MPV17: variants seen among roughly 807,000 people sequenced by gnomAD.
MPV17 encodes mitochondrial inner membrane protein MPV17.
Under a neutral mutation model 28.6 loss-of-function variants are expected in MPV17, and 31 were observed. The ratio of observed to expected loss-of-function variants is 1.08; its 90% CI spans 0.81 to 1.46. MPV17 has a LOEUF of 1.46. Among genes scored for constraint, MPV17 ranks in the 40% most tolerant of loss-of-function variants. MPV17 has a pLI of 0.00. For missense variants in MPV17, 198 were observed against 216.2 expected (o/e 0.92, Z 0.53); for synonymous variants, 87 against 85.3 (o/e 1.02, Z -0.11).
intron 2 of MPV17, among the ~76,000 whole-genome samples, chr2:27,320,839 A>T (rs1387152499): frequency 1.3e-5 from 2 of 152,202 alleles, no homozygotes; most frequent in Non-Finnish European, 2.9e-5. Context: ...GGCTCAGTGA[A>T]CTAAAGCCAC....
At chr2:27,316,738 T>C in intron 2 of MPV17, 1 of 245,718 alleles carries the variant, frequency 4.1e-6, no homozygotes, top group Non-Finnish European at 7.8e-6. Context: ...GACTTGTTTC[T>C]AGGGAGTTGG....
intron 7 of MPV17, 100 bp downstream of exon 7, chr2:27,311,799 G>A (rs1679449019): frequency 1.3e-6 from 2 of 1,571,012 alleles, no homozygotes; most frequent in East Asian, 2.3e-5. Context: ...TGTTCCGTTT[G>A]GGGGTCTAAG....
At chr2:27,312,317 C>A in intron 5 of MPV17, 71 bp from the exon 6 acceptor site, 1 of 1,538,822 alleles carries the variant, frequency 6.5e-7, no homozygotes, top group South Asian at 1.1e-5. Context: ...GTATGAATGT[C>A]ACACACAGAC....
At chr2:27,316,891 AGGTGCCAGTT>A in intron 2 of MPV17, 1 of 542,424 alleles carries the variant, frequency 1.8e-6, no homozygotes, top group Admixed American at 3.4e-5. Flanking sequence ...GCCCCTGGGT[AGGTGCCAGTT>A]CTCATGCCGT....
At chr2:27,314,279 C>A (rs369508433) in intron 2 of MPV17, among the ~76,000 whole-genome samples, 1 of 152,030 alleles carries the variant, frequency 6.6e-6, no homozygotes. Context: ...GCAGTGATCA[C>A]GCCATTACAC....
chr2:27,314,338 GTAA>G (rs751974083), intron 2 of MPV17, among the ~76,000 whole-genome samples: 6 of 152,124 alleles, frequency 3.9e-5, no homozygotes, highest in Admixed American at 1.3e-4. Context: ...GAAAAAAAAA[GTAA>G]TAAAACAAGA....
At position 27,313,430 on chromosome 2, in the gene MPV17, C is replaced by T. The variant is rs558990261; in HGVS notation, c.71-321G>A. On this transcript the variant is annotated intron_variant, in intron 2 of 7. Transcript: ENST00000380044. Reference sequence around the variant, plus strand: ...TTTAAGGCCACAGGGCTGAGAACCACAGACTGTCAGAATCAAAAGGGGCTT... The same window carrying T: ...TTTAAGGCCACAGGGCTGAGAACCATAGACTGTCAGAATCAAAAGGGGCTT... The T allele has an allele frequency of 3.8e-5, 22 of 584,580 alleles. 1 individual carries two copies. In the East Asian group the frequency reaches 6.0e-4, roughly 16 times the overall value. 36.2% of individuals were successfully genotyped at this position (584,580 alleles called of 1,614,324 possible).
intron 7 of MPV17, 83 bp from the exon 8 acceptor site, chr2:27,310,064 G>C (rs1679371863): frequency 1.9e-6 from 2 of 1,058,062 alleles, no homozygotes; most frequent in Non-Finnish European, 2.9e-6. Flanking sequence ...AAATGGCAAA[G>C]GAGGGATCAT....
chr2:27,319,936 A>G (rs1486512626), intron 2 of MPV17, among the ~76,000 whole-genome samples: 5 of 151,166 alleles, frequency 3.3e-5, no homozygotes, highest in Admixed American at 2.6e-4. Context: ...AAAAAAAAAA[A>G]AAAAAGAAAA....
intron 2 of MPV17, among the ~76,000 whole-genome samples, chr2:27,321,239 A>T (rs1679848914): frequency 6.6e-6 from 1 of 152,234 alleles, no homozygotes; most frequent in African/African-American, 2.4e-5. Flanking sequence ...GTCAGTTCCC[A>T]TCATAGCCAC....
At chr2:27,321,376 C>A (rs1436831854) in intron 2 of MPV17, among the ~76,000 whole-genome samples, 1 of 152,212 alleles carries the variant, frequency 6.6e-6, no homozygotes, top group East Asian at 1.9e-4. Context: ...GCCAAAGAAT[C>A]CATCTCCTGG....
intron 2 of MPV17, among the ~76,000 whole-genome samples, chr2:27,318,411 G>A (rs145545625): frequency 0.012 from 1,881 of 151,806 alleles, 48 homozygotes; most frequent in African/African-American, 0.043. Context: ...AGGCTGGAGT[G>A]CAGTGGCAGG....
At chr2:27,322,152 TC>T (rs1679884242) in intron 2 of MPV17, 1 of 498,482 alleles carries the variant, frequency 2.0e-6, no homozygotes, top group Admixed American at 3.4e-5. Context: ...TAAAATGTTT[TC>T]CAAGTTGAGG....
chr2:27,318,059 T>C (rs1679720270), intron 2 of MPV17, among the ~76,000 whole-genome samples: 1 of 151,660 alleles, frequency 6.6e-6, no homozygotes, highest in Non-Finnish European at 1.5e-5. Flanking sequence ...ATGAGGTCAA[T>C]CTTTCTTTTC....
At chr2:27,313,376 G>A (rs1679534195) in intron 2 of MPV17, 4 of 668,800 alleles carry the variant, frequency 6.0e-6, no homozygotes, top group Non-Finnish European at 7.5e-6. Context: ...GGAAGTCAGA[G>A]TCAGAAAGTA....
In MPV17 at chr2:27,322,439, G is replaced by A. The variant is rs752186976; in HGVS notation, c.70+9C>T. 2.5e-6 allele frequency: 4 copies of A among 1,613,386 alleles called. No homozygotes were observed. The highest frequency in any genetic ancestry group is 3.4e-6 in the Non-Finnish European group (4 of 1,179,390). Reference sequence around the variant, plus strand: ...CCTGGTCCCACTCAAGTCCTAGAGGGACACTCACCAGCTGTCAGGACCTGT... The same window carrying A: ...CCTGGTCCCACTCAAGTCCTAGAGGAACACTCACCAGCTGTCAGGACCTGT... On this transcript the variant is annotated intron_variant, in intron 2 of 7. Coordinates refer to ENST00000380044, the MANE Select transcript of MPV17 (RefSeq NM_002437.5).
chr2:27,313,306 T>A, intron 2 of MPV17, 197 bp from the exon 3 acceptor site: 2 of 1,294,314 alleles, frequency 1.5e-6, no homozygotes, highest in Non-Finnish European at 2.1e-6. Flanking sequence ...CTCATGTGTA[T>A]TCTGTCAGAA....
chr2:27,322,713 A>G (rs1018006902), intron 1 of MPV17, 191 bp from the exon 2 acceptor site: 1 of 613,678 alleles, frequency 1.6e-6, no homozygotes. Flanking sequence ...ATTGGGGAAG[A>G]GAGAAAGGCT....
chr2:27,318,292 C>A (rs981289128), intron 2 of MPV17, among the ~76,000 whole-genome samples: 5 of 151,898 alleles, frequency 3.3e-5, no homozygotes, highest in African/African-American at 4.8e-5. Context: ...GTCTCGAACT[C>A]CTGACCTCAG....
Sources: gnomAD v4.1 joint callset for allele counts (sites outside exome capture counted in the v4.1 genomes callset) on GRCh38, gnomAD v4.1.1 for gene constraint, MANE v1.5 for transcripts, NCBI Gene and HGNC (gene_info 2026-07-23, HGNC 2026-07-21) for gene names.